The following NCALD variants were observed in gnomAD, a reference collection of about 807,000 sequenced individuals.
NCALD encodes neurocalcin-delta.
NCALD carries 10 observed loss-of-function variants against 18.6 expected under a neutral mutation model. The observed-to-expected ratio is 0.54, with a 90% CI of 0.33 to 0.91. NCALD has a LOEUF of 0.91. NCALD is among the 40% of genes least tolerant of loss of function. NCALD has a pLI of 0.03. For missense variants in NCALD, 184 were observed against 247.6 expected (o/e 0.74, Z 1.72); for synonymous variants, 88 against 87.4 (o/e 1.01, Z -0.04).
chr8:101,708,432 G>A (rs1815631866), intron 2 of NCALD, among the ~76,000 whole-genome samples: 1 of 152,170 alleles, frequency 6.6e-6, no homozygotes, highest in South Asian at 2.1e-4. Context: ...AAAGCTTAAT[G>A]GAAGATTCTA....
chr8:102,073,465 T>C (rs925582861), intron 1 of NCALD, among the ~76,000 whole-genome samples: 2 of 152,044 alleles, frequency 1.3e-5, no homozygotes, highest in African/African-American at 4.8e-5. Context: ...TATACCTATA[T>C]ATAGATGTAA....
intron 1 of NCALD, among the ~76,000 whole-genome samples, chr8:102,039,456 T>A (rs1468190423): frequency 6.6e-6 from 1 of 152,242 alleles, no homozygotes; most frequent in African/African-American, 2.4e-5. Context: ...GAGCAATCAC[T>A]GACATTTGTC....
At chr8:101,786,092 C>T (rs975346796) in intron 1 of NCALD, 1 of 152,182 alleles carries the variant, frequency 6.6e-6, no homozygotes, top group Non-Finnish European at 1.5e-5. Flanking sequence ...ACATATAGGT[C>T]TCTGGGCAAG....
intron 2 of NCALD, among the ~76,000 whole-genome samples, chr8:102,019,756 G>A (rs958007267): frequency 1.9e-4 from 29 of 151,958 alleles, no homozygotes; most frequent in African/African-American, 7.0e-4. Context: ...AGCAATGCAA[G>A]GTAGCTTAAC....
chr8:102,052,859 T>C (rs1272978272), intron 1 of NCALD, among the ~76,000 whole-genome samples: 2 of 152,260 alleles, frequency 1.3e-5, no homozygotes, highest in Non-Finnish European at 2.9e-5. Context: ...TTTATGGACA[T>C]TGAAATTTAA....
At chr8:101,703,822 G>A (rs1815386130) in intron 2 of NCALD, among the ~76,000 whole-genome samples, 1 of 152,142 alleles carries the variant, frequency 6.6e-6, no homozygotes, top group Non-Finnish European at 1.5e-5. Context: ...GCTGTGGCAG[G>A]TCTCCCTCAA....
At chr8:101,951,777 G>A (rs746881049) in intron 2 of NCALD, among the ~76,000 whole-genome samples, 1 of 152,148 alleles carries the variant, frequency 6.6e-6, no homozygotes, top group Non-Finnish European at 1.5e-5. Flanking sequence ...TATCCATCCT[G>A]ATCCTCAAGC....
chr8:101,932,154 C>A (rs868081894), intron 2 of NCALD, among the ~76,000 whole-genome samples: 1 of 152,154 alleles, frequency 6.6e-6, no homozygotes, highest in African/African-American at 2.4e-5. Flanking sequence ...CAGTGCTCTG[C>A]CAGTTGTGTC....
rs547350055 is a variant in NCALD at position 102,037,223 on chromosome 8, A to C, written c.-209-16934T>G. On this transcript the variant is annotated intron_variant, in intron 1 of 6. Coordinates refer to the NCALD transcript ENST00000311028. ...ACTTAAACTTTACTATAATTCTATTAGATAAGTACTATTATTGTCCCTATT... is the reference window on the plus strand; with the variant it reads ...ACTTAAACTTTACTATAATTCTATTCGATAAGTACTATTATTGTCCCTATT... Among the ~76,000 whole-genome samples the C allele has an allele frequency of 2.6e-5, 4 of 152,340 alleles. No homozygotes were observed. In the East Asian group the frequency reaches 7.7e-4, roughly 29 times the overall value.
At chr8:102,116,353 G>A (rs114761527) in intron 1 of NCALD, among the ~76,000 whole-genome samples, 64 of 152,284 alleles carry the variant, frequency 4.2e-4, no homozygotes, top group African/African-American at 8.9e-4. Context: ...TAGGGGCACC[G>A]TAACAGAGTC....
intron 2 of NCALD, among the ~76,000 whole-genome samples, chr8:102,018,910 T>C (rs1391689419): frequency 6.6e-6 from 1 of 152,054 alleles, no homozygotes; most frequent in Non-Finnish European, 1.5e-5. Flanking sequence ...TAAAATAATA[T>C]ATGAAATTCA....
chr8:102,037,097 C>G (rs1822894602), intron 1 of NCALD, among the ~76,000 whole-genome samples: 1 of 152,120 alleles, frequency 6.6e-6, no homozygotes, highest in Non-Finnish European at 1.5e-5. Flanking sequence ...ACATCTCCCT[C>G]AGAAGATAGA....
At chr8:101,961,266 T>A (rs926228673) in intron 2 of NCALD, among the ~76,000 whole-genome samples, 1 of 152,148 alleles carries the variant, frequency 6.6e-6, no homozygotes, top group African/African-American at 2.4e-5. Context: ...TCAATAACAT[T>A]GTGGTATAAT....
At chr8:102,002,500 T>G (rs1006681103) in intron 2 of NCALD, among the ~76,000 whole-genome samples, 1 of 152,152 alleles carries the variant, frequency 6.6e-6, no homozygotes, top group South Asian at 2.1e-4. Context: ...TATCCAGGAA[T>G]TGAACTCGGC....
chr8:101,935,181 A>G (rs1818716136), intron 2 of NCALD, among the ~76,000 whole-genome samples: 1 of 152,112 alleles, frequency 6.6e-6, no homozygotes, highest in South Asian at 2.1e-4. Context: ...TACAAGGCAA[A>G]AAAAAAATAT....
At chr8:102,018,409 A>G (rs1360480693) in intron 2 of NCALD, among the ~76,000 whole-genome samples, 1 of 152,242 alleles carries the variant, frequency 6.6e-6, no homozygotes. Flanking sequence ...CTTCTACTCA[A>G]CAATACAAAG....
intron 2 of NCALD, among the ~76,000 whole-genome samples, chr8:101,982,144 C>G (rs549437943): frequency 6.6e-6 from 1 of 152,320 alleles, no homozygotes; most frequent in Admixed American, 6.5e-5. Flanking sequence ...CAAGCAGATG[C>G]TGGTGCCATG....
chr8:101,815,415 C>G (rs1452586062), intron 4 of NCALD, among the ~76,000 whole-genome samples: 1 of 151,806 alleles, frequency 6.6e-6, no homozygotes, highest in Non-Finnish European at 1.5e-5. Flanking sequence ...TATCCACATA[C>G]AAAAAATAAA....
intron 1 of NCALD, among the ~76,000 whole-genome samples, chr8:102,118,233 T>C (rs904267679): frequency 6.6e-6 from 1 of 152,148 alleles, no homozygotes; most frequent in Admixed American, 6.5e-5. Flanking sequence ...GCAGTAGTCA[T>C]ATTCCTCTAC....
Sources: allele counts gnomAD v4.1 joint callset (sites outside exome capture counted in the v4.1 genomes callset), GRCh38; gene constraint gnomAD v4.1.1; transcripts MANE v1.5; gene names NCBI Gene and HGNC (gene_info 2026-07-23, HGNC 2026-07-21).